ERN1: variants seen among roughly 807,000 people sequenced by gnomAD.
The protein encoded by ERN1 is endoplasmic reticulum to nucleus signaling 1.
ERN1 carries 39 observed loss-of-function variants against 113.1 expected under a neutral mutation model. That is an observed-to-expected ratio of 0.34 (90% CI 0.27 to 0.45). The LOEUF (loss-of-function observed/expected upper bound fraction) is 0.45. Among genes scored for constraint, ERN1 ranks in the 20% least tolerant of loss-of-function variants. The pLI is 1.00. For synonymous variants in ERN1, 507 were observed against 515.9 expected (o/e 0.98, Z 0.23); for missense variants, 976 against 1,274.8 (o/e 0.77, Z 3.57).
chr17:64,098,015 T>C, intron 2 of ERN1, 106 bp downstream of exon 2: 1 of 1,388,360 alleles, frequency 7.2e-7, no homozygotes, highest in East Asian at 2.3e-5. Flanking sequence ...TTATTTCTTA[T>C]TTATTTTATT....
intron 1 of ERN1, among the ~76,000 whole-genome samples, chr17:64,123,949 A>C (rs2143510133): frequency 6.6e-6 from 1 of 152,344 alleles, no homozygotes; most frequent in South Asian, 2.1e-4. Context: ...GAAGAAAAGT[A>C]TTACCTGTAA....
At chr17:64,101,083 C>T (rs564506007) in intron 1 of ERN1, among the ~76,000 whole-genome samples, 2 of 152,056 alleles carry the variant, frequency 1.3e-5, no homozygotes, top group African/African-American at 4.8e-5. Flanking sequence ...CCACCACACA[C>T]CCAATGAGGA....
At chr17:64,088,772 G>A (rs1015500946) in intron 2 of ERN1, among the ~76,000 whole-genome samples, 7 of 152,096 alleles carry the variant, frequency 4.6e-5, no homozygotes, top group East Asian at 3.9e-4. Context: ...GGTGGGGACC[G>A]GAATACTCGG....
rs1598041471 is a variant in ERN1 at position 64,044,469 on chromosome 17, C to A, written c.2722-269G>T. 6.6e-6 allele frequency among the ~76,000 whole-genome samples: 1 copy of A among 152,246 alleles called. No homozygotes were observed. The highest frequency in any genetic ancestry group is 2.4e-5 in the African/African-American group (1 of 41,458). ...GTGACAGTCAGGACCTGGAGACACTCCTGGCCACCTCAGGAGGAGTAAAGT... is the reference window on the plus strand; with the variant it reads ...GTGACAGTCAGGACCTGGAGACACTACTGGCCACCTCAGGAGGAGTAAAGT... On this transcript the variant is annotated intron_variant, in intron 21 of 21. Coordinates refer to ENST00000433197, the MANE Select transcript of ERN1 (RefSeq NM_001433.5). The surrounding 1 kb of genome is among the most constrained non-coding windows in gnomAD (Gnocchi z 4.1).
intron 1 of ERN1, among the ~76,000 whole-genome samples, chr17:64,119,238 G>A (rs57187716): frequency 0.053 from 8,108 of 151,798 alleles, 267 homozygotes; most frequent in Middle Eastern, 0.082. Flanking sequence ...TTAATATAAG[G>A]CCTATTAGTT....
Position 64,129,986 on chromosome 17 carries a change from G to GGCAGCAGCAGCGTCA in ERN1, c.29_43dup (p.Leu10_Leu14dup). ...TCCCCGGTCACTCACCCCGAGGCCGGGCAGCAGCAGCGTCAGCAGCAGCAG... is the reference window on the plus strand; with the variant it reads ...TCCCCGGTCACTCACCCCGAGGCCGGGCAGCAGCAGCGTCAGCAGCAGCAGCGTCAGCAGCAGCAG... On this transcript the variant is annotated inframe_insertion, in exon 1 of 22. Coordinates refer to ENST00000433197, the MANE Select transcript of ERN1 (RefSeq NM_001433.5). 2 of 1,449,440 alleles carry GGCAGCAGCAGCGTCA rather than the reference G, an allele frequency of 1.4e-6. No individual in the cohort carries two copies. Among genetic ancestry groups the GGCAGCAGCAGCGTCA allele is most frequent in the African/African-American group, 1.5e-5 (1 of 67,762 alleles). 89.8% of individuals were successfully genotyped at this position (1,449,440 alleles called of 1,614,324 possible). A position where few individuals can be genotyped will look rare whatever the true frequency, so the allele number is the denominator to read the frequency against.
At chr17:64,058,172 T>G (rs987205834) in intron 11 of ERN1, among the ~76,000 whole-genome samples, 179 bp from the exon 12 acceptor site, 1 of 152,212 alleles carries the variant, frequency 6.6e-6, no homozygotes, top group South Asian at 2.1e-4. Flanking sequence ...TTCAAAGCAA[T>G]TGCTTTGAGA....
intron 11 of ERN1, among the ~76,000 whole-genome samples, chr17:64,058,301 C>G (rs1598050802): frequency 6.6e-6 from 1 of 152,276 alleles, no homozygotes; most frequent in South Asian, 2.1e-4. Flanking sequence ...AAGGCAAACA[C>G]TTCCTCCTTT....
intron 1 of ERN1, among the ~76,000 whole-genome samples, chr17:64,126,848 G>A (rs1009327258): frequency 4.6e-5 from 7 of 151,438 alleles, no homozygotes; most frequent in East Asian, 1.9e-4. Context: ...CTCAGTTCTC[G>A]GTGACTTTTT....
At position 64,068,198 on chromosome 17, in the gene ERN1, ACGTCGTC is replaced by A. The variant is rs1413095022; in HGVS notation, c.565_571del (p.Asp189TrpfsTer17). ...CAGCAGAGAGCACTTACTGTAGTCCACGTCGTCCTCAGGCAGTGAGGCCGCATAGTCA... is the reference window on the plus strand; with the variant it reads ...CAGCAGAGAGCACTTACTGTAGTCCACTCAGGCAGTGAGGCCGCATAGTCA... On this transcript the variant is annotated frameshift_variant, in exon 7 of 22. Transcript: ENST00000433197. LOFTEE classifies it high-confidence loss of function. 1 of 1,607,786 alleles carries A rather than the reference ACGTCGTC, an allele frequency of 6.2e-7. No individual in the cohort carries two copies. Among genetic ancestry groups the A allele is most frequent in the African/African-American group, 1.3e-5 (1 of 74,866 alleles).
At chr17:64,052,366 G>A (rs949433611) in intron 17 of ERN1, among the ~76,000 whole-genome samples, 2 of 152,158 alleles carry the variant, frequency 1.3e-5, no homozygotes, top group Non-Finnish European at 2.9e-5. Context: ...TTAGCTGGGT[G>A]TGGTGGCAGG....
At position 64,120,094 on chromosome 17, in the gene ERN1, C is replaced by T. The variant is rs934205781; in HGVS notation, c.54+9882G>A. ...TTTTTAAAAAAGAAAAGATGCCGGC[C>T]CCCACTCCCAGAGATTCCAATTTCA... On this transcript the variant is annotated intron_variant, in intron 1 of 21. Coordinates refer to ENST00000433197, the MANE Select transcript of ERN1 (RefSeq NM_001433.5). 5.3e-5 allele frequency among the ~76,000 whole-genome samples: 8 copies of T among 151,958 alleles called. No individual in the cohort carries two copies. In the South Asian group the frequency reaches 6.2e-4, roughly 12 times the overall value.
Position 64,063,867 on chromosome 17 carries a change from G to T in ERN1, c.1087+119C>A. The T allele has an allele frequency of 2.3e-6, 2 of 878,170 alleles. No homozygotes were observed. The highest frequency in any genetic ancestry group is 3.5e-6 in the Non-Finnish European group (2 of 572,434). The allele number at this position is 878,170 out of a possible 1,614,324, so 54.4% of individuals were successfully genotyped here. ...TCCCAAGGTCTCAGGGGCCAGCCGG[G>T]AAGGGCTCTGAGCACAAGGCCTTCC... On this transcript the variant is annotated intron_variant, in intron 10 of 21. Coordinates refer to ENST00000433197, the MANE Select transcript of ERN1 (RefSeq NM_001433.5). This position sits in a 1 kb window ranked among gnomAD's most constrained non-coding sequence, Gnocchi z 5.1.
At chr17:64,067,615 A>C (rs975735954) in intron 7 of ERN1, among the ~76,000 whole-genome samples, 28 of 151,362 alleles carry the variant, frequency 1.8e-4, no homozygotes, top group African/African-American at 5.8e-4. Flanking sequence ...TCAAAAAAAA[A>C]AACAACAAAA....
At chr17:64,087,046 C>T (rs1202567373) in intron 2 of ERN1, among the ~76,000 whole-genome samples, 2 of 152,150 alleles carry the variant, frequency 1.3e-5, no homozygotes, top group Non-Finnish European at 2.9e-5. Context: ...TATATTTCCA[C>T]CAGCAATGTA....
chr17:64,055,864 G>A lies in ERN1; in HGVS notation c.1483C>T (p.Gln495Ter). The change falls in exon 13 of 22, where the codon CAG becomes TAG. Residue 495 changes from glutamine (Q) to a stop codon, truncating the protein, a stop_gained. Transcript: ENST00000433197. LOFTEE classifies it high-confidence loss of function. ...KIQLLQQQQQ[Q>*]LPFHPPGDTA... ...TCTCCAGGTGGGTGGAAGGGCAGCT[G>A]CTGCTGCTGCTGCTGCAGGAGCTGG... 2 of 1,550,954 alleles carry A rather than the reference G, an allele frequency of 1.3e-6. No individual in the cohort carries two copies. The highest frequency in any genetic ancestry group is 8.7e-7 in the Non-Finnish European group (1 of 1,146,904).
At chr17:64,067,446 A>T (rs1913266450) in intron 7 of ERN1, among the ~76,000 whole-genome samples, 1 of 151,482 alleles carries the variant, frequency 6.6e-6, no homozygotes, top group Admixed American at 6.6e-5. Flanking sequence ...AAAAAAAAAA[A>T]AATTAGCCAG....
chr17:64,104,267 C>T (rs138250948), intron 1 of ERN1, among the ~76,000 whole-genome samples: 155 of 152,108 alleles, frequency 1.0e-3, no homozygotes, highest in Middle Eastern at 3.4e-3. Flanking sequence ...AATAAACAAA[C>T]AAAAAACACA....
intron 4 of ERN1, among the ~76,000 whole-genome samples, chr17:64,077,566 C>T (rs1340916991): frequency 2.0e-5 from 3 of 152,112 alleles, no homozygotes; most frequent in Non-Finnish European, 2.9e-5. Context: ...CTCAACATCA[C>T]GCTTGTGAGT....
Sources: gnomAD v4.1 joint callset for allele counts (sites outside exome capture counted in the v4.1 genomes callset) on GRCh38, gnomAD v4.1.1 for gene constraint, Gnocchi (gnomAD v3.1) non-coding constraint, MANE v1.5 for transcripts, NCBI Gene and HGNC (gene_info 2026-07-23, HGNC 2026-07-21) for gene names.